Variants in ARFGEF2 observed in about 807,000 individuals in gnomAD.
ARFGEF2 encodes the protein ARF guanine nucleotide exchange factor 2, also known as brefeldin A-inhibited guanine nucleotide-exchange protein 2.
In ARFGEF2, 74 loss-of-function variants were observed where a neutral mutation model predicts 219.9. The observed-to-expected ratio is 0.34, with a 90% confidence interval of 0.28 to 0.41. The LOEUF is 0.41. ARFGEF2 is among the 10% of genes least tolerant of loss of function. The pLI is 1.00. For synonymous variants in ARFGEF2, 733 were observed against 799.2 expected (o/e 0.92, Z 1.40); for missense variants, 1,743 against 2,218.3 (o/e 0.79, Z 4.30).
chr20:48,942,115 T>C (rs2090996628), intron 3 of ARFGEF2, 128 bp downstream of exon 3: 2 of 1,268,174 alleles, frequency 1.6e-6, no homozygotes, highest in Non-Finnish European at 2.2e-6. Flanking sequence ...AGGAGCAGTT[T>C]AACGTATTCT....
chr20:48,973,299 G>C lies in ARFGEF2; in HGVS notation c.1665+15G>C. On this transcript the variant is annotated intron_variant, in intron 12 of 38. Transcript: ENST00000371917. ...CACCTCTGCAGGTAAAAACACTGTG[G>C]ACACTCAATTATATTAAAGTTTATT... 1 of 1,613,806 alleles carries C rather than the reference G, an allele frequency of 6.2e-7. No homozygotes were observed. Among genetic ancestry groups the C allele is most frequent in the Non-Finnish European group, 8.5e-7 (1 of 1,179,816 alleles).
At chr20:48,963,755 A>C in intron 6 of ARFGEF2, 75 bp from the exon 7 acceptor site, 10 of 1,378,362 alleles carry the variant, frequency 7.3e-6, no homozygotes, top group East Asian at 2.3e-5. Flanking sequence ...ACTCCCCATA[A>C]TCTCCTTTTC....
chr20:49,019,304 A>G (rs909917329), intron 34 of ARFGEF2, among the ~76,000 whole-genome samples: 15 of 152,358 alleles, frequency 9.8e-5, no homozygotes, highest in East Asian at 3.9e-4. Flanking sequence ...ACACACATAC[A>G]TATATAGTAC....
At chr20:49,019,470 G>C (rs909098070) in intron 34 of ARFGEF2, among the ~76,000 whole-genome samples, 4 of 152,094 alleles carry the variant, frequency 2.6e-5, no homozygotes, top group African/African-American at 9.7e-5. Flanking sequence ...TGCATTTATT[G>C]CTTAATTGAG....
intron 37 of ARFGEF2, 109 bp downstream of exon 37, chr20:49,028,777 C>T (rs972106886): frequency 7.8e-7 from 1 of 1,289,348 alleles, no homozygotes; most frequent in African/African-American, 1.5e-5. Context: ...GACACTCTGA[C>T]AAATTTTTTT....
At chr20:48,940,660 C>A (rs1027479205) in intron 1 of ARFGEF2, among the ~76,000 whole-genome samples, 7 of 152,224 alleles carry the variant, frequency 4.6e-5, no homozygotes, top group Non-Finnish European at 8.8e-5. Context: ...CAACAGTAGC[C>A]AAGTTACCTA....
chr20:48,997,667 T>C (rs903565954), intron 23 of ARFGEF2, among the ~76,000 whole-genome samples: 2 of 152,206 alleles, frequency 1.3e-5, no homozygotes, highest in African/African-American at 2.4e-5. Context: ...TCTATACTTG[T>C]AATACCACAT....
intron 34 of ARFGEF2, among the ~76,000 whole-genome samples, chr20:49,020,644 C>G (rs1307015953): frequency 1.3e-5 from 2 of 152,176 alleles, no homozygotes; most frequent in African/African-American, 4.8e-5. Context: ...TGGGGTCTCA[C>G]TTTGTTGCCC....
In ARFGEF2 at chr20:48,984,188, A is replaced by G. The variant is rs139493069; in HGVS notation, c.1959-541A>G. ...GACATCAGAGATCCAGGCTCCTTTT[A>G]TCTGTCTGCTTCACCATACTTAGCC... On this transcript the variant is annotated intron_variant, in intron 14 of 38. Transcript: ENST00000371917. Among the ~76,000 whole-genome samples, 6 of 152,334 alleles carry G rather than the reference A, an allele frequency of 3.9e-5. No individual in the cohort carries two copies. The East Asian group carries it at 9.6e-4, about 24-fold the overall frequency.
At position 48,994,599 on chromosome 20, in the gene ARFGEF2, GTAAGACACCAGGCCCCACAGC is replaced by G. The variant is rs2091375599; in HGVS notation, c.3121+5_3121+25del. Reference sequence around the variant, plus strand: ...GAAGAGTTCATGGGCCTTGGCCTCGGTAAGACACCAGGCCCCACAGCTAACAGTCACGGATTTGCAAGCTAA... The same window carrying G: ...GAAGAGTTCATGGGCCTTGGCCTCGGTAACAGTCACGGATTTGCAAGCTAA... On this transcript the variant is annotated splice_donor_variant and splice_donor_5th_base_variant and intron_variant, in intron 22 of 38. Coordinates refer to ENST00000371917, the MANE Select transcript of ARFGEF2 (RefSeq NM_006420.3). LOFTEE classifies it high-confidence loss of function. The G allele has an allele frequency of 6.2e-7, 1 of 1,613,476 alleles. No homozygotes were observed. The highest frequency in any genetic ancestry group is 1.3e-5 in the African/African-American group (1 of 74,924).
chr20:48,963,175 C>CTAAAAAAAAAAAAAAAAAAAAA (rs2091164640), intron 6 of ARFGEF2, among the ~76,000 whole-genome samples: 1 of 110,856 alleles, frequency 9.0e-6, no homozygotes, highest in Non-Finnish European at 1.8e-5. Context: ...AACTCTGTCT[C>CTAAAAAAAAAAAAAAAAAAAAA]AAAAAAAAAA....
intron 8 of ARFGEF2, among the ~76,000 whole-genome samples, chr20:48,966,268 G>A (rs1221904734): frequency 6.6e-6 from 1 of 151,990 alleles, no homozygotes; most frequent in African/African-American, 2.4e-5. Context: ...TAAATTTCTT[G>A]CCACTTTTCT....
chr20:48,993,061 A>T (rs1190457852), intron 21 of ARFGEF2, among the ~76,000 whole-genome samples: 3 of 152,160 alleles, frequency 2.0e-5, no homozygotes, highest in Admixed American at 1.3e-4. Context: ...AAAATAAAAA[A>T]ATATATATTT....
At chr20:49,023,523 G>GTTTTT (rs11289917) in intron 35 of ARFGEF2, among the ~76,000 whole-genome samples, 3 of 97,000 alleles carry the variant, frequency 3.1e-5, no homozygotes. Context: ...TTTTTTTCTG[G>GTTTTT]TTTTTTTTTT....
chr20:49,017,723 A>C (rs1324436994), intron 33 of ARFGEF2, among the ~76,000 whole-genome samples, 173 bp downstream of exon 33: 1 of 152,224 alleles, frequency 6.6e-6, no homozygotes, highest in Non-Finnish European at 1.5e-5. Context: ...GCATTAAGCA[A>C]ATAAGTAACC....
Position 49,017,357 on chromosome 20 carries a change from T to G in ARFGEF2, c.4424T>G (p.Leu1475Trp), listed in dbSNP as rs1405437030. 6 of 1,614,104 alleles carry G rather than the reference T, an allele frequency of 3.7e-6. No homozygotes were observed. The South Asian group carries it at 5.5e-5, about 15-fold the overall frequency. The change falls in exon 32 of 39, where the codon TTG (leucine) becomes TGG (tryptophan). Residue 1475 changes from leucine (L) to tryptophan (W), a missense_variant. Physicochemically the swap from Leu to Trp is moderately conservative, Grantham distance 61 (BLOSUM62 -2). Around this residue, in one of 5 missense-constraint regions of ARFGEF2, gnomAD observed 578 missense variants for 664.0 expected, o/e 0.87. Coordinates refer to ENST00000371917, the MANE Select transcript of ARFGEF2 (RefSeq NM_006420.3). ...EVWDETCNCM[L>W]DIFKTTIPHV... The stretch of plus-strand genomic sequence containing the variant: ...TGGGATGAAACCTGCAACTGTATGT[T>G]GGATATTTTCAAAACAACCATCCCA...
chr20:49,004,069 T>C (rs1392864718), intron 25 of ARFGEF2, among the ~76,000 whole-genome samples: 5 of 152,044 alleles, frequency 3.3e-5, no homozygotes. Context: ...TTTTTCAAGA[T>C]GAAAAGAGTT....
chr20:49,011,186 T>C (rs1286341600), intron 27 of ARFGEF2, among the ~76,000 whole-genome samples: 1 of 152,170 alleles, frequency 6.6e-6, no homozygotes. Flanking sequence ...ATCAACAATA[T>C]GTATTAAATA....
At chr20:49,022,327 C>T (rs1174476810) in intron 34 of ARFGEF2, among the ~76,000 whole-genome samples, 4 of 151,264 alleles carry the variant, frequency 2.6e-5, no homozygotes, top group Middle Eastern at 3.4e-3. Flanking sequence ...TTTGGGAGGC[C>T]GAGGCAGGCA....
Sources: gnomAD v4.1 joint callset for allele counts (sites outside exome capture counted in the v4.1 genomes callset) on GRCh38, gnomAD v4.1.1 for gene constraint, gnomAD v4.1.1 regional missense constraint, MANE v1.5 for transcripts, NCBI Gene and HGNC (gene_info 2026-07-23, HGNC 2026-07-21) for gene names.